HSD11B1: variants seen among roughly 807,000 people sequenced by gnomAD.
The protein encoded by HSD11B1 is hydroxysteroid 11-beta dehydrogenase 1, also known as 11-beta-hydroxysteroid dehydrogenase 1.
HSD11B1 carries 15 observed loss-of-function variants against 22.1 expected under a neutral mutation model. The observed-to-expected ratio is 0.68, with a 90% CI of 0.45 to 1.04. The LOEUF is 1.04. Among genes scored for constraint, HSD11B1 ranks in the 50% least tolerant of loss-of-function variants. The probability of loss-of-function intolerance (pLI) is 0.00; values close to 1 mark genes in which losing one functional copy is unlikely to be tolerated. For synonymous variants in HSD11B1, 122 were observed against 125.2 expected (o/e 0.97, Z 0.17); for missense variants, 281 against 357.6 (o/e 0.79, Z 1.73).
chr1:209,700,588 G>A (rs2076820790), upstream of HSD11B1, among the ~76,000 whole-genome samples: 1 of 152,200 alleles, frequency 6.6e-6, no homozygotes, highest in South Asian at 2.1e-4. Flanking sequence ...TTTCCTCATG[G>A]TTTTGGGGAT....
chr1:209,705,795 T>C lies in HSD11B1; in HGVS notation c.89-16T>C. ...CAACTTGGGTATGGTCCTCACTTCC[T>C]TTTGGGGTTCCCCAGAGATGCTCCA... On this transcript the variant is annotated splice_polypyrimidine_tract_variant and intron_variant, in intron 1 of 5. Transcript: ENST00000367027. 1 of 1,613,100 alleles carries C rather than the reference T, an allele frequency of 6.2e-7. No individual in the cohort carries two copies. The highest frequency in any genetic ancestry group is 8.5e-7 in the Non-Finnish European group (1 of 1,179,468).
chr1:209,694,530 G>C (rs1406079761), intron 1 of HSD11B1, among the ~76,000 whole-genome samples: 1 of 152,224 alleles, frequency 6.6e-6, no homozygotes, highest in Non-Finnish European at 1.5e-5. Flanking sequence ...GGCAAGGGGA[G>C]GTTCCTGGGG....
chr1:209,712,542 T>C (rs1049756427), intron 4 of HSD11B1, among the ~76,000 whole-genome samples: 1 of 152,232 alleles, frequency 6.6e-6, no homozygotes, highest in East Asian at 1.9e-4. Flanking sequence ...TCATTTTATA[T>C]ATGAGGGACT....
At chr1:209,701,404 C>G (rs113147572), upstream of HSD11B1, among the ~76,000 whole-genome samples, 579 of 152,250 alleles carry the variant, frequency 3.8e-3, 1 homozygote, top group Non-Finnish European at 6.4e-3. Context: ...GAAAGACCAG[C>G]CTCCATGATT....
intron 4 of HSD11B1, among the ~76,000 whole-genome samples, chr1:209,723,245 A>G (rs1397689111): frequency 6.6e-6 from 1 of 152,066 alleles, no homozygotes; most frequent in Non-Finnish European, 1.5e-5. Flanking sequence ...CCTCCCACAT[A>G]AGCCAAAACT....
upstream of HSD11B1, chr1:209,704,778 C>T (rs1327352209): frequency 1.8e-5 from 11 of 618,574 alleles, no homozygotes; most frequent in African/African-American, 3.7e-5. Flanking sequence ...CAAAGCCAAT[C>T]GCTGCTCTGA....
At position 209,706,346 on chromosome 1, in the gene HSD11B1, C is replaced by T. The variant is rs1282031504; in HGVS notation, c.220-363C>T. 6.6e-6 allele frequency among the ~76,000 whole-genome samples: 1 copy of T among 152,156 alleles called. No individual in the cohort carries two copies. Among genetic ancestry groups the T allele is most frequent in the Non-Finnish European group, 1.5e-5 (1 of 68,034 alleles). On this transcript the variant is annotated intron_variant, in intron 2 of 5. Transcript: ENST00000367027. This position sits in a 1 kb window ranked among gnomAD's most constrained non-coding sequence, Gnocchi z 4.0. ...TCCCAGACACATGCCCTCTCATGGA[C>T]TCACAAACCCAAGGATGTACAAACA...
intron 4 of HSD11B1, among the ~76,000 whole-genome samples, chr1:209,729,894 T>C (rs2077025388): frequency 6.6e-6 from 1 of 152,196 alleles, no homozygotes; most frequent in African/African-American, 2.4e-5. Context: ...ATCATTTCAG[T>C]AGATGATGAA....
intron 4 of HSD11B1, among the ~76,000 whole-genome samples, chr1:209,719,320 T>C (rs1020564119): frequency 6.6e-6 from 1 of 152,204 alleles, no homozygotes; most frequent in African/African-American, 2.4e-5. Context: ...AACCCTCTGG[T>C]ATTGGTTTGC....
At position 209,687,633 on chromosome 1, in the gene HSD11B1, G is replaced by A. The variant is rs970089846; in HGVS notation, c.-49+1348G>A. Among the ~76,000 whole-genome samples, 11 of 152,314 alleles carry A rather than the reference G, an allele frequency of 7.2e-5. No homozygotes were observed. In the South Asian group the frequency reaches 1.7e-3, roughly 23 times the overall value. The stretch of plus-strand genomic sequence containing the variant: ...AAGTCACATGTATTGTCAGTGATGG[G>A]AGGGAGACTGGAACTCAGTTCTCCC... On this transcript the variant is annotated intron_variant, in intron 1 of 6. Transcript: ENST00000261465.
intron 1 of HSD11B1, among the ~76,000 whole-genome samples, chr1:209,687,660 G>T (rs2076736225): frequency 6.6e-6 from 1 of 152,220 alleles, no homozygotes; most frequent in South Asian, 2.1e-4. Context: ...AGTTCTCCCA[G>T]AGTCCCACCC....
intron 1 of HSD11B1, among the ~76,000 whole-genome samples, chr1:209,698,998 C>T (rs187324703): frequency 2.6e-5 from 4 of 152,226 alleles, no homozygotes; most frequent in East Asian, 1.9e-4. Context: ...CCCAGATCCA[C>T]GATTCCGTTA....
rs193188840 is a variant in HSD11B1, at chr1:209,726,026, T to C, written c.518-6410T>C. ...TGTCCAACCTTATATGCTTGCATAA[T>C]AGTTCATTTTTTTCACCAATTAAAA... On this transcript the variant is annotated intron_variant, in intron 4 of 5. Coordinates refer to ENST00000367027, the MANE Select transcript of HSD11B1 (RefSeq NM_005525.4). Among the ~76,000 whole-genome samples the C allele has an allele frequency of 1.5e-3, 223 of 152,222 alleles. 3 individuals carry two copies. The highest frequency in any genetic ancestry group is 0.014 in the Middle Eastern group (4 of 292).
chr1:209,701,795 A>G (rs1396527397), upstream of HSD11B1, among the ~76,000 whole-genome samples: 2 of 152,140 alleles, frequency 1.3e-5, no homozygotes, highest in Admixed American at 6.6e-5. Context: ...CATTTTTGCC[A>G]TCTCCTATCA....
upstream of HSD11B1, chr1:209,704,758 G>T: frequency 1.7e-6 from 1 of 590,388 alleles, no homozygotes; most frequent in East Asian, 2.9e-5. Flanking sequence ...GGGACGAATG[G>T]GATCCCACCC....
chr1:209,728,436 C>T (rs1179471916), intron 4 of HSD11B1, among the ~76,000 whole-genome samples: 3 of 152,088 alleles, frequency 2.0e-5, no homozygotes, highest in African/African-American at 7.2e-5. Flanking sequence ...GTTACTTCAG[C>T]TTGGTTATAT....
At position 209,706,792 on chromosome 1, in the gene HSD11B1, A is replaced by T; in HGVS notation, c.303A>T (p.Gln101His). The change falls in exon 3 of 6, where the codon CAA (glutamine) becomes CAT (histidine). Residue 101 changes from glutamine to histidine, a missense_variant. By Grantham distance (24) the Gln-to-His change is conservative. Coordinates refer to ENST00000367027, the MANE Select transcript of HSD11B1 (RefSeq NM_005525.4). This position sits in a 1 kb window ranked among gnomAD's most constrained non-coding sequence, Gnocchi z 4.0. Reference sequence around the variant, plus strand: ...TGGAAGACATGACCTTCGCAGAGCAATTTGTTGCCCAAGCAGGAAAGCTCA... The same window carrying T: ...TGGAAGACATGACCTTCGCAGAGCATTTTGTTGCCCAAGCAGGAAAGCTCA... ...GTMEDMTFAEQFVAQAGKLMG... is the reference protein window; with the variant it reads ...GTMEDMTFAEHFVAQAGKLMG... The T allele has an allele frequency of 6.2e-7, 1 of 1,614,052 alleles. No homozygotes were observed.
intron 4 of HSD11B1, among the ~76,000 whole-genome samples, chr1:209,731,966 C>G (rs913987273): frequency 2.0e-5 from 3 of 152,196 alleles, no homozygotes; most frequent in Non-Finnish European, 4.4e-5. Flanking sequence ...CTCGGCCTCC[C>G]AAAGTGCTGA....
intron 4 of HSD11B1, among the ~76,000 whole-genome samples, chr1:209,726,577 G>T (rs1222847648): frequency 6.6e-6 from 1 of 152,092 alleles, no homozygotes; most frequent in Non-Finnish European, 1.5e-5. Flanking sequence ...GACAGAGTGA[G>T]ACCCTGTTTC....
Sources: allele counts gnomAD v4.1 joint callset (sites outside exome capture counted in the v4.1 genomes callset), GRCh38; gene constraint gnomAD v4.1.1; non-coding constraint Gnocchi (gnomAD v3.1); transcripts MANE v1.5; gene names NCBI Gene and HGNC (gene_info 2026-07-23, HGNC 2026-07-21).